CDH12: variants seen among roughly 807,000 people sequenced by gnomAD.
The protein encoded by CDH12 is cadherin-12.
In CDH12, 41 loss-of-function variants were observed where a neutral mutation model predicts 74.1. That is an observed-to-expected ratio of 0.55 (90% CI 0.43 to 0.72). CDH12 has a LOEUF of 0.72. Ranked by LOEUF, CDH12 falls within the 30% of genes least tolerant of loss-of-function variation. The pLI is 0.00. For synonymous variants in CDH12, 399 were observed against 355.0 expected (o/e 1.12, Z -1.39); for missense variants, 945 against 977.2 (o/e 0.97, Z 0.44).
At chr5:22,558,869 A>G (rs1738919646) in intron 1 of CDH12, among the ~76,000 whole-genome samples, 1 of 152,066 alleles carries the variant, frequency 6.6e-6, no homozygotes, top group Non-Finnish European at 1.5e-5. Context: ...CGAGATGAAC[A>G]TTTCCCTGTG....
chr5:22,563,430 A>C (rs1439640566), intron 1 of CDH12, among the ~76,000 whole-genome samples: 4 of 151,794 alleles, frequency 2.6e-5, no homozygotes, highest in Non-Finnish European at 5.9e-5. Flanking sequence ...ATCCAATTGT[A>C]TTTTTCCTAT....
chr5:22,059,390 T>TCTAA (rs1417195166), intron 5 of CDH12, among the ~76,000 whole-genome samples: 8 of 69,764 alleles, frequency 1.1e-4, no homozygotes, highest in African/African-American at 1.1e-3. Context: ...TATCTATCTA[T>TCTAA]CTATGTATCT....
intron 3 of CDH12, among the ~76,000 whole-genome samples, chr5:22,315,041 C>T (rs1738562660): frequency 8.1e-6 from 1 of 122,716 alleles, no homozygotes; most frequent in South Asian, 3.0e-4. Context: ...GCAAGCTCCG[C>T]CTCCCAGGTT....
At chr5:21,789,244 A>G (rs1482660377) in intron 10 of CDH12, among the ~76,000 whole-genome samples, 1 of 152,094 alleles carries the variant, frequency 6.6e-6, no homozygotes, top group Admixed American at 6.6e-5. Flanking sequence ...AGTTTTATGT[A>G]ATGTTTGCAT....
intron 1 of CDH12, among the ~76,000 whole-genome samples, chr5:22,512,189 C>T (rs75635600): frequency 6.6e-4 from 101 of 151,916 alleles, no homozygotes; most frequent in African/African-American, 2.3e-3. Context: ...AAAGACAACA[C>T]GAGGGCAACA....
chr5:22,616,740 C>T (rs1056413519), intron 1 of CDH12, among the ~76,000 whole-genome samples: 1 of 152,020 alleles, frequency 6.6e-6, no homozygotes, highest in African/African-American at 2.4e-5. Context: ...ATCTGAATGT[C>T]TGTGTCCTTC....
intron 5 of CDH12, among the ~76,000 whole-genome samples, chr5:22,066,476 A>T (rs893851651): frequency 6.6e-6 from 1 of 152,196 alleles, no homozygotes; most frequent in Middle Eastern, 3.2e-3. Flanking sequence ...GCCAGTTAGC[A>T]TAAAGACTTG....
chr5:22,751,293 T>C (rs1343016496), intron 1 of CDH12, among the ~76,000 whole-genome samples: 2 of 148,396 alleles, frequency 1.3e-5, no homozygotes, highest in Admixed American at 6.8e-5. Context: ...AACATAGAAA[T>C]TATCAAAAAT....
chr5:22,715,725 C>A (rs1580919515), intron 1 of CDH12, among the ~76,000 whole-genome samples: 1 of 150,096 alleles, frequency 6.7e-6, no homozygotes, highest in Non-Finnish European at 1.5e-5. Flanking sequence ...CGCTTGAACC[C>A]AGGAGGCAGA....
At chr5:21,877,575 G>T (rs1361114261) in intron 6 of CDH12, among the ~76,000 whole-genome samples, 3 of 152,138 alleles carry the variant, frequency 2.0e-5, no homozygotes, top group African/African-American at 4.8e-5. Context: ...TCAAGCCTTT[G>T]GATCTCTTGA....
Position 22,533,004 on chromosome 5 carries a change from T to TA in CDH12, c.-522-27641dup, listed in dbSNP as rs1258271057. ...CAAATTACTAGCCTATTTGAAACTTTAAAGAGGTATATCCTGAAAATTTTG... is the reference window on the plus strand; with the variant it reads ...CAAATTACTAGCCTATTTGAAACTTTAAAAGAGGTATATCCTGAAAATTTTG... On this transcript the variant is annotated intron_variant, in intron 1 of 14. Coordinates refer to ENST00000382254, the MANE Select transcript of CDH12 (RefSeq NM_004061.5). Among the ~76,000 whole-genome samples, 3 of 152,106 alleles carry TA rather than the reference T, an allele frequency of 2.0e-5. No individual in the cohort carries two copies. The East Asian group carries it at 5.8e-4, about 29-fold the overall frequency.
At chr5:22,411,386 T>C (rs78277518) in intron 2 of CDH12, among the ~76,000 whole-genome samples, 2,140 of 152,028 alleles carry the variant, frequency 0.014, 29 homozygotes, top group Non-Finnish European at 0.022. Flanking sequence ...TTTACTTAAA[T>C]AGTATGATTA....
intron 2 of CDH12, among the ~76,000 whole-genome samples, chr5:22,453,276 T>C (rs1460713368): frequency 1.3e-5 from 2 of 152,058 alleles, no homozygotes; most frequent in Non-Finnish European, 2.9e-5. Context: ...AAAGAAATGT[T>C]TGTAGTCCTG....
chr5:22,623,931 T>C (rs1738127065), intron 1 of CDH12, among the ~76,000 whole-genome samples: 1 of 152,132 alleles, frequency 6.6e-6, no homozygotes, highest in African/African-American at 2.4e-5. Context: ...AAGGCTACAG[T>C]AAACAAAACA....
At chr5:22,608,346 T>G (rs1042272733) in intron 1 of CDH12, among the ~76,000 whole-genome samples, 3 of 152,160 alleles carry the variant, frequency 2.0e-5, no homozygotes, top group African/African-American at 7.2e-5. Context: ...GACTTCAGAA[T>G]TGGATGGGGC....
At chr5:22,308,095 T>C (rs1738202591) in intron 3 of CDH12, among the ~76,000 whole-genome samples, 2 of 151,956 alleles carry the variant, frequency 1.3e-5, no homozygotes, top group African/African-American at 4.8e-5. Context: ...TTAGCCAGGA[T>C]GGTCTTGATC....
At chr5:22,436,075 A>T (rs969777263) in intron 2 of CDH12, among the ~76,000 whole-genome samples, 2 of 151,766 alleles carry the variant, frequency 1.3e-5, no homozygotes, top group African/African-American at 4.8e-5. Context: ...ACACCATGGA[A>T]TACTATGCAT....
At chr5:22,567,722 C>T (rs965712791) in intron 1 of CDH12, among the ~76,000 whole-genome samples, 1 of 152,166 alleles carries the variant, frequency 6.6e-6, no homozygotes, top group Non-Finnish European at 1.5e-5. Context: ...TTTACTTTGG[C>T]ATCATTGATT....
intron 5 of CDH12, among the ~76,000 whole-genome samples, chr5:22,035,707 CACACAT>C (rs1026809602): frequency 2.9e-5 from 3 of 103,208 alleles, no homozygotes; most frequent in African/African-American, 9.9e-5. Flanking sequence ...TTTTACACTT[CACACAT>C]ACACACACAC....
Sources: gnomAD v4.1 joint callset for allele counts (sites outside exome capture counted in the v4.1 genomes callset) on GRCh38, gnomAD v4.1.1 for gene constraint, MANE v1.5 for transcripts, NCBI Gene and HGNC (gene_info 2026-07-23, HGNC 2026-07-21) for gene names.